The following TMEM132D variants were observed in gnomAD, a reference collection of about 807,000 sequenced individuals.
TMEM132D encodes transmembrane protein 132D.
In TMEM132D, 21 loss-of-function variants were observed where a neutral mutation model predicts 62.3. The observed-to-expected ratio is 0.34, with a 90% CI of 0.24 to 0.49. TMEM132D has a LOEUF of 0.49. Ranked by LOEUF, TMEM132D falls within the 20% of genes least tolerant of loss-of-function variation. TMEM132D has a pLI of 0.99. For synonymous variants in TMEM132D, 621 were observed against 575.6 expected (o/e 1.08, Z -1.13); for missense variants, 1,346 against 1,402.8 (o/e 0.96, Z 0.65).
intron 1 of TMEM132D, among the ~76,000 whole-genome samples, chr12:129,777,894 G>T (rs1225408576): frequency 6.6e-6 from 1 of 152,084 alleles, no homozygotes; most frequent in South Asian, 2.1e-4. Context: ...AGCACTTCGG[G>T]AAGCCGAGGT....
intron 4 of TMEM132D, among the ~76,000 whole-genome samples, chr12:129,307,302 A>G (rs926949048): frequency 2.0e-5 from 3 of 152,140 alleles, no homozygotes; most frequent in Non-Finnish European, 4.4e-5. Flanking sequence ...AACCCAACGG[A>G]AAGTGGGAAA....
At chr12:129,178,117 C>T (rs1234626685) in intron 5 of TMEM132D, among the ~76,000 whole-genome samples, 1 of 152,182 alleles carries the variant, frequency 6.6e-6, no homozygotes, top group Non-Finnish European at 1.5e-5. Flanking sequence ...CTTTTTATGG[C>T]TGCATAGTAT....
chr12:129,639,910 C>A (rs1879598563), intron 2 of TMEM132D, among the ~76,000 whole-genome samples: 2 of 152,116 alleles, frequency 1.3e-5, no homozygotes, highest in South Asian at 4.1e-4. Context: ...TAGTAATTTG[C>A]ATTTATAAAG....
At chr12:129,290,659 A>G (rs1157943857) in intron 4 of TMEM132D, among the ~76,000 whole-genome samples, 1 of 152,238 alleles carries the variant, frequency 6.6e-6, no homozygotes, top group Non-Finnish European at 1.5e-5. Flanking sequence ...TTCATTTCTA[A>G]TGAGGGGACA....
chr12:129,517,076 A>G (rs996419581), intron 3 of TMEM132D, among the ~76,000 whole-genome samples: 1 of 152,128 alleles, frequency 6.6e-6, no homozygotes, highest in African/African-American at 2.4e-5. Flanking sequence ...ACATCTTCAA[A>G]GACTCTGTTG....
intron 1 of TMEM132D, among the ~76,000 whole-genome samples, chr12:129,892,617 T>C (rs1022526177): frequency 6.6e-6 from 1 of 152,204 alleles, no homozygotes. Flanking sequence ...TGGATTTTTT[T>C]CCCAAGTATT....
chr12:129,609,877 G>A (rs1434191437), intron 2 of TMEM132D, among the ~76,000 whole-genome samples: 1 of 152,178 alleles, frequency 6.6e-6, no homozygotes, highest in African/African-American at 2.4e-5. Context: ...TCCCCACTGG[G>A]GGTTTATCCC....
chr12:129,269,151 C>G (rs910385057), intron 4 of TMEM132D, among the ~76,000 whole-genome samples: 3 of 152,086 alleles, frequency 2.0e-5, no homozygotes, highest in Non-Finnish European at 1.5e-5. Flanking sequence ...CACATGTCCC[C>G]TAGAACTTAA....
At chr12:129,236,624 T>C (rs1472341851) in intron 4 of TMEM132D, among the ~76,000 whole-genome samples, 1 of 152,216 alleles carries the variant, frequency 6.6e-6, no homozygotes, top group Non-Finnish European at 1.5e-5. Flanking sequence ...CTAGCAGTTT[T>C]TCGTGGCGTC....
intron 2 of TMEM132D, among the ~76,000 whole-genome samples, chr12:129,623,368 C>G (rs2137161075): frequency 6.6e-6 from 1 of 152,214 alleles, no homozygotes; most frequent in Admixed American, 6.5e-5. Flanking sequence ...TGGGCTTTCA[C>G]TGGACCTGTC....
chr12:129,353,109 G>T lies in TMEM132D; in HGVS notation c.1116-15292C>A, dbSNP rs1188093473. Among the ~76,000 whole-genome samples, 12 of 97,846 alleles carry T rather than the reference G, an allele frequency of 1.2e-4. No homozygotes were observed. In the East Asian group the frequency reaches 1.9e-3, roughly 15 times the overall value. 64.2% of individuals were successfully genotyped at this position (97,846 alleles called of 152,430 possible). A position where few individuals can be genotyped will look rare whatever the true frequency, so the allele number is the denominator to read the frequency against. ...TTTCCCCCTCCCTCCCTCCCTCCCT[G>T]CCTCCCTCCCTCCCTTCCTTCCTTC... On this transcript the variant is annotated intron_variant, in intron 3 of 8. Transcript: ENST00000422113.
chr12:129,300,791 G>A (rs1273944194), intron 4 of TMEM132D, among the ~76,000 whole-genome samples: 1 of 152,112 alleles, frequency 6.6e-6, no homozygotes, highest in African/African-American at 2.4e-5. Flanking sequence ...ATACAGAAAC[G>A]AATAATTACA....
intron 3 of TMEM132D, among the ~76,000 whole-genome samples, chr12:129,401,629 C>T (rs758373087): frequency 4.6e-5 from 7 of 152,126 alleles, no homozygotes; most frequent in Non-Finnish European, 8.8e-5. Context: ...ATTTAATCCT[C>T]ACCCTAACCG....
intron 4 of TMEM132D, among the ~76,000 whole-genome samples, chr12:129,248,415 T>G (rs1225600306): frequency 6.6e-6 from 1 of 152,188 alleles, no homozygotes; most frequent in Non-Finnish European, 1.5e-5. Context: ...TGGATTAACT[T>G]TCAAATCCAA....
chr12:129,587,552 A>T (rs932064154), intron 2 of TMEM132D, among the ~76,000 whole-genome samples: 1 of 152,210 alleles, frequency 6.6e-6, no homozygotes, highest in Non-Finnish European at 1.5e-5. Flanking sequence ...GTTAAAAAAA[A>T]AACTCGCTCC....
At chr12:129,430,077 C>T (rs11060341) in intron 3 of TMEM132D, among the ~76,000 whole-genome samples, 53,095 of 151,996 alleles carry the variant, frequency 0.35, 9,405 homozygotes, top group East Asian at 0.48. Flanking sequence ...GCATGATTTA[C>T]AATCCTTTGG....
chr12:129,357,826 T>C (rs994736401), intron 3 of TMEM132D, among the ~76,000 whole-genome samples: 2 of 152,190 alleles, frequency 1.3e-5, no homozygotes, highest in Non-Finnish European at 2.9e-5. Context: ...GACATACCCA[T>C]AGGCTACCAA....
intron 5 of TMEM132D, among the ~76,000 whole-genome samples, chr12:129,104,076 A>G (rs1353426724): frequency 6.6e-6 from 1 of 150,758 alleles, no homozygotes; most frequent in African/African-American, 2.4e-5. Context: ...AAGAGCCTGC[A>G]TCGCCAAGTC....
At chr12:129,280,672 G>T (rs1881117768) in intron 4 of TMEM132D, among the ~76,000 whole-genome samples, 1 of 152,022 alleles carries the variant, frequency 6.6e-6, no homozygotes, top group African/African-American at 2.4e-5. Context: ...TAAGCCATTT[G>T]TTTGTAATAT....
Sources: gnomAD v4.1 joint callset for allele counts (sites outside exome capture counted in the v4.1 genomes callset) on GRCh38, gnomAD v4.1.1 for gene constraint, MANE v1.5 for transcripts, NCBI Gene and HGNC (gene_info 2026-07-23, HGNC 2026-07-21) for gene names.